The following RAP1GAP2 variants were observed in gnomAD, a reference collection of about 807,000 sequenced individuals.
RAP1GAP2 encodes rap1 GTPase-activating protein 2.
In RAP1GAP2, 27 loss-of-function variants were observed where a neutral mutation model predicts 95.0. That is an observed-to-expected ratio of 0.28 (90% CI 0.21 to 0.39). The LOEUF (loss-of-function observed/expected upper bound fraction) is 0.39, where lower values mean the gene tolerates loss of function less well. RAP1GAP2 is among the 10% of genes least tolerant of loss of function. The pLI is 1.00. For synonymous variants in RAP1GAP2, 373 were observed against 380.9 expected, an observed-to-expected ratio of 0.98 and a Z score of 0.24; for missense variants, 771 against 970.0, an observed-to-expected ratio of 0.79 and a Z score of 2.72.
chr17:2,894,417 G>A (rs868352876), intron 2 of RAP1GAP2, among the ~76,000 whole-genome samples: 7 of 152,128 alleles, frequency 4.6e-5, no homozygotes, highest in East Asian at 1.9e-4. Flanking sequence ...GTGACAGAGC[G>A]AGACTCCGTT....
chr17:2,919,365 T>A (rs1481316563), intron 3 of RAP1GAP2, among the ~76,000 whole-genome samples: 1 of 152,216 alleles, frequency 6.6e-6, no homozygotes, highest in African/African-American at 2.4e-5. Flanking sequence ...TGAAGGTTTT[T>A]GGGACTAGAC....
rs139081743 is a variant in RAP1GAP2, at chr17:2,866,855, C to T, written c.81-38429C>T. Reference sequence around the variant, plus strand: ...CCTCAAGCGATCTGCCTGTCTTGGCCTCCCAAAGTGCTGGGATTACAGGTG... The same window carrying T: ...CCTCAAGCGATCTGCCTGTCTTGGCTTCCCAAAGTGCTGGGATTACAGGTG... On this transcript the variant is annotated intron_variant, in intron 2 of 24. Coordinates refer to ENST00000254695, the MANE Select transcript of RAP1GAP2 (RefSeq NM_015085.5). The surrounding 1 kb of genome is among the most constrained non-coding windows in gnomAD (Gnocchi z 4.0). Among the ~76,000 whole-genome samples, 2,108 of 150,794 alleles carry T rather than the reference C, an allele frequency of 0.014. 33 individuals are homozygous for T. Among genetic ancestry groups the T allele is most frequent in the African/African-American group, 0.048 (1,978 of 40,966 alleles).
At chr17:2,964,119 C>A in intron 7 of RAP1GAP2, 51 bp downstream of exon 7, 2 of 1,487,082 alleles carry the variant, frequency 1.3e-6, no homozygotes, top group Non-Finnish European at 9.2e-7. Context: ...AGGCTGGGGA[C>A]GCTGGGAGAG....
rs116510364 is a variant in RAP1GAP2 at position 2,848,606 on chromosome 17, T to C, written c.80+48056T>C. On this transcript the variant is annotated intron_variant, in intron 2 of 24. Transcript: ENST00000254695. ...CTCAGCTCACTACAACCTCCGCCTC[T>C]GGGCTCCAGCAATTCTCCTTCCTCA... Among the ~76,000 whole-genome samples the C allele has an allele frequency of 4.2e-3, 641 of 152,074 alleles. 3 individuals are homozygous for C. Among genetic ancestry groups the C allele is most frequent in the African/African-American group, 0.015 (609 of 41,478 alleles).
intron 5 of RAP1GAP2, chr17:2,962,923 C>A: frequency 1.7e-6 from 1 of 578,588 alleles, no homozygotes; most frequent in Non-Finnish European, 3.0e-6. Context: ...AGGACAGCTT[C>A]AGAGCAGGCT....
chr17:2,983,190 C>T (rs1228656665), intron 10 of RAP1GAP2, among the ~76,000 whole-genome samples: 4 of 152,190 alleles, frequency 2.6e-5, no homozygotes, highest in Non-Finnish European at 5.9e-5. Flanking sequence ...TTTGTTCTTC[C>T]TCTCGCATAA....
At chr17:2,877,399 G>A (rs148528301) in intron 2 of RAP1GAP2, among the ~76,000 whole-genome samples, 1 of 152,182 alleles carries the variant, frequency 6.6e-6, no homozygotes, top group Non-Finnish European at 1.5e-5. Flanking sequence ...CCGTAAGGCA[G>A]CCAGAGTGAT....
chr17:3,027,302 T>C lies in RAP1GAP2; in HGVS notation c.2107+232T>C, dbSNP rs1414670399. Among the ~76,000 whole-genome samples, 2 of 152,212 alleles carry C rather than the reference T, an allele frequency of 1.3e-5. No individual in the cohort carries two copies. Among genetic ancestry groups the C allele is most frequent in the Non-Finnish European group, 2.9e-5 (2 of 68,034 alleles). On this transcript the variant is annotated intron_variant, in intron 22 of 24. Coordinates refer to ENST00000254695, the MANE Select transcript of RAP1GAP2 (RefSeq NM_015085.5). This position sits in a 1 kb window ranked among gnomAD's most constrained non-coding sequence, Gnocchi z 5.2. ...AAGCTGAGGCAGAGAGTTGAAGGCC[T>C]TGTGGGAGATCCCACAGCGGAGGAG...
At position 2,824,716 on chromosome 17, in the gene RAP1GAP2, G is replaced by T. The variant is rs1236645117; in HGVS notation, c.80+24166G>T. On this transcript the variant is annotated intron_variant, in intron 2 of 24. Coordinates refer to ENST00000254695, the MANE Select transcript of RAP1GAP2 (RefSeq NM_015085.5). ...GATTGCGCCATTGCACTCCAGCCTG[G>T]GTGACAAAAGCGAAACTCTGTCTCA... Among the ~76,000 whole-genome samples the T allele has an allele frequency of 2.0e-5, 3 of 149,322 alleles. No homozygotes were observed. In the East Asian group the frequency reaches 5.9e-4, roughly 29 times the overall value.
At chr17:2,889,887 A>ATTTTT (rs1183050009) in intron 2 of RAP1GAP2, among the ~76,000 whole-genome samples, 12 of 38,730 alleles carry the variant, frequency 3.1e-4, no homozygotes, top group African/African-American at 9.4e-4. Flanking sequence ...ATATATATAT[A>ATTTTT]TATTTTTTTT....
rs902186824 is a variant in RAP1GAP2 at position 2,827,109 on chromosome 17, C to T, written c.80+26559C>T. Among the ~76,000 whole-genome samples, 1 of 152,142 alleles carries T rather than the reference C, an allele frequency of 6.6e-6. No homozygotes were observed. The highest frequency in any genetic ancestry group is 1.5e-5 in the Non-Finnish European group (1 of 68,020). On this transcript the variant is annotated intron_variant, in intron 2 of 24. Transcript: ENST00000254695. This position sits in a 1 kb window ranked among gnomAD's most constrained non-coding sequence, Gnocchi z 4.1. ...ATTTGGGGGATTTGCAAAGTAGTCACGTGGGTGAGGCAGGAGGGAAGCCTA... is the reference window on the plus strand; with the variant it reads ...ATTTGGGGGATTTGCAAAGTAGTCATGTGGGTGAGGCAGGAGGGAAGCCTA...
At chr17:2,778,108 C>T (rs918270147) in intron 1 of RAP1GAP2, among the ~76,000 whole-genome samples, 1 of 148,122 alleles carries the variant, frequency 6.8e-6, no homozygotes, top group South Asian at 2.1e-4. Flanking sequence ...CACATCTTCT[C>T]GACTTGGGCA....
At chr17:2,814,152 T>G (rs1677176006) in intron 2 of RAP1GAP2, among the ~76,000 whole-genome samples, 1 of 152,098 alleles carries the variant, frequency 6.6e-6, no homozygotes, top group Admixed American at 6.6e-5. Context: ...GACCCCAGCT[T>G]ACTGATTGAT....
intron 2 of RAP1GAP2, among the ~76,000 whole-genome samples, chr17:2,886,171 ATTTTTTTT>A (rs564574824): frequency 3.2e-5 from 4 of 123,350 alleles, no homozygotes; most frequent in Non-Finnish European, 6.5e-5. Flanking sequence ...GTATATATAT[ATTTTTTTT>A]TTTTTTTTTT....
At chr17:2,913,270 T>G (rs530508614) in intron 3 of RAP1GAP2, among the ~76,000 whole-genome samples, 2 of 151,978 alleles carry the variant, frequency 1.3e-5, no homozygotes, top group African/African-American at 4.8e-5. Context: ...CCTGAGCATG[T>G]GCCTATTTTC....
rs375140944 is a variant in RAP1GAP2, at chr17:2,830,766, G to A, written c.80+30216G>A. ...AAAAAAAAGATTTTGAACAGTAAATGTATTTACATGGTTGGTTCTAAAACC... is the reference window on the plus strand; with the variant it reads ...AAAAAAAAGATTTTGAACAGTAAATATATTTACATGGTTGGTTCTAAAACC... On this transcript the variant is annotated intron_variant, in intron 2 of 24. Coordinates refer to ENST00000254695, the MANE Select transcript of RAP1GAP2 (RefSeq NM_015085.5). 2.0e-4 allele frequency among the ~76,000 whole-genome samples: 30 copies of A among 151,994 alleles called. No individual in the cohort carries two copies. In the South Asian group the frequency reaches 5.6e-3, roughly 28 times the overall value.
At chr17:2,818,479 A>G (rs1597368166) in intron 2 of RAP1GAP2, among the ~76,000 whole-genome samples, 1 of 151,750 alleles carries the variant, frequency 6.6e-6, no homozygotes. Flanking sequence ...GCGTGCCACC[A>G]CGCCCGGCTA....
intron 1 of RAP1GAP2, among the ~76,000 whole-genome samples, chr17:2,763,566 G>A (rs1432187179): frequency 1.3e-5 from 2 of 151,904 alleles, no homozygotes; most frequent in African/African-American, 4.8e-5. Flanking sequence ...CGTGGTGGCG[G>A]GTGCCTGTAA....
Position 2,758,071 on chromosome 17 carries a change from A to G in RAP1GAP2, c.50+2304A>G, listed in dbSNP as rs563839489. Among the ~76,000 whole-genome samples, 476 of 148,044 alleles carry G rather than the reference A, an allele frequency of 3.2e-3. 1 individual carries two copies. In the Middle Eastern group the frequency reaches 0.069, roughly 22 times the overall value. The stretch of plus-strand genomic sequence containing the variant: ...TTTTTAGTAGAGACGGGGTTTCACC[A>G]TGTTAGCCCGGATGGTGTCGATCTC... On this transcript the variant is annotated intron_variant, in intron 1 of 25. Transcript: ENST00000637138.
Sources: gnomAD v4.1 joint callset for allele counts (sites outside exome capture counted in the v4.1 genomes callset) on GRCh38, gnomAD v4.1.1 for gene constraint, Gnocchi (gnomAD v3.1) non-coding constraint, MANE v1.5 for transcripts, NCBI Gene and HGNC (gene_info 2026-07-23, HGNC 2026-07-21) for gene names.